The following STK36 variants were observed in gnomAD, a reference collection of about 807,000 sequenced individuals.
The protein encoded by STK36 is serine/threonine-protein kinase 36.
STK36 carries 116 observed loss-of-function variants against 142.2 expected under a neutral mutation model. That is an observed-to-expected ratio of 0.82 (90% CI 0.70 to 0.95). The LOEUF is 0.95. STK36 is among the 40% of genes least tolerant of loss of function. STK36 has a pLI of 0.00. For missense variants in STK36, 1,422 were observed against 1,617.2 expected (o/e 0.88, Z 2.07); for synonymous variants, 619 against 641.7 (o/e 0.96, Z 0.53).
intron 13 of STK36, 117 bp from the exon 14 acceptor site, chr2:218,690,333 A>G: frequency 1.2e-6 from 1 of 821,150 alleles, no homozygotes; most frequent in South Asian, 1.4e-5. Flanking sequence ...AGAAGGGAGG[A>G]ACATTCTGAT....
In STK36 at chr2:218,676,040, C is replaced by T; in HGVS notation, c.446C>T (p.Ala149Val). Residue 149 changes from alanine (A) to valine (V), a missense_variant, in exon 6 of 27, where the codon GCT (alanine) becomes GTT (valine). This residue lies in a region of STK36 where 460 missense variants were observed against 449.6 expected (regional missense o/e 1.02). Coordinates refer to ENST00000295709, the MANE Select transcript of STK36 (RefSeq NM_015690.5). ...IKLCDFGFAR[A>V]MSTNTMVLTS... ...ATTATCTTCTGCAGATTTGCCCGGGCTATGAGCACCAATACAATGGTGCTG... is the reference window on the plus strand; with the variant it reads ...ATTATCTTCTGCAGATTTGCCCGGGTTATGAGCACCAATACAATGGTGCTG... 6.2e-7 allele frequency: 1 copy of T among 1,613,974 alleles called. No homozygotes were observed. Among genetic ancestry groups the T allele is most frequent in the Non-Finnish European group, 8.5e-7 (1 of 1,179,922 alleles).
chr2:218,679,990 A>G lies in STK36; in HGVS notation c.1046A>G (p.Gln349Arg). 1 of 1,614,222 alleles carries G rather than the reference A, an allele frequency of 6.2e-7. No individual in the cohort carries two copies. The highest frequency in any genetic ancestry group is 8.5e-7 in the Non-Finnish European group (1 of 1,180,024). ...APLPRLGATP[Q>R]ESSLLAGILA... is the part of the protein sequence containing the mutation. ...CTGCCCAGACTCGGGGCCACTCCTC[A>G]GGAATCAAGCCTCCTGGCCGGGATC... Residue 349 changes from glutamine (Q) to arginine (R), a missense_variant, in exon 9 of 27, where the codon CAG (glutamine) becomes CGG (arginine). By Grantham distance (43) the Gln-to-Arg change is conservative. Coordinates refer to ENST00000295709, the MANE Select transcript of STK36 (RefSeq NM_015690.5).
intron 6 of STK36, among the ~76,000 whole-genome samples, 177 bp downstream of exon 6, chr2:218,676,455 A>G (rs1004799909): frequency 1.3e-5 from 2 of 152,080 alleles, no homozygotes; most frequent in African/African-American, 4.8e-5. Flanking sequence ...TGGGTATTTT[A>G]TAAAGAAAAG....
chr2:218,687,869 C>T (rs2385066), intron 11 of STK36, among the ~76,000 whole-genome samples: 9,136 of 152,196 alleles, frequency 0.06, 912 homozygotes, highest in African/African-American at 0.21. Context: ...TTTAAAAATA[C>T]AATACTGGCC....
rs774911111 is a variant in STK36, at chr2:218,679,875, G to T, written c.949-18G>T. On this transcript the variant is annotated intron_variant, in intron 8 of 26. Coordinates refer to ENST00000295709, the MANE Select transcript of STK36 (RefSeq NM_015690.5). ...AATCAAATAGCTCTGATTCAGTGTT[G>T]CCCCCTACCTCCCACAGAAACATCA... 3 of 1,610,692 alleles carry T rather than the reference G, an allele frequency of 1.9e-6. 1 individual carries two copies. In the South Asian group the frequency reaches 3.3e-5, roughly 18 times the overall value.
chr2:218,697,407 A>G, intron 23 of STK36, 56 bp from the exon 24 acceptor site: 6 of 1,597,556 alleles, frequency 3.8e-6, no homozygotes, highest in Non-Finnish European at 4.3e-6. Context: ...GTGGGGAAGC[A>G]GGGGTATCTG....
At chr2:218,680,536 G>C in intron 9 of STK36, 67 bp from the exon 10 acceptor site, 1 of 1,328,752 alleles carries the variant, frequency 7.5e-7, no homozygotes, top group Admixed American at 2.0e-5. Flanking sequence ...TACAGAGAGG[G>C]ACAAGTTAAC....
chr2:218,701,931 A>C lies in STK36; in HGVS notation c.3870A>C (p.Pro1290=). The change falls in exon 27 of 27, where the codon CCA becomes CCC. Residue 1290 remains proline, a synonymous_variant. Transcript: ENST00000295709. The part of the protein sequence containing the change: ...SLLSLGNQSL[P]HSSPRPASAK... ...TCTCTCTGGGGAATCAGTCACTGCC[A>C]CACAGCAGTCCTAGGCCTGCCTCTG... 6.2e-7 allele frequency: 1 copy of C among 1,614,164 alleles called. No homozygotes were observed. Among genetic ancestry groups the C allele is most frequent in the Non-Finnish European group, 8.5e-7 (1 of 1,180,030 alleles).
At position 218,693,939 on chromosome 2, in the gene STK36, CT is replaced by C. The variant is rs770235742; in HGVS notation, c.2294del (p.Phe765SerfsTer19). 9.3e-6 allele frequency: 15 copies of C among 1,614,134 alleles called. No individual in the cohort carries two copies. The African/African-American group carries it at 2.0e-4, about 22-fold the overall frequency. On this transcript the variant is annotated frameshift_variant, in exon 19 of 27. Coordinates refer to ENST00000295709, the MANE Select transcript of STK36 (RefSeq NM_015690.5). LOFTEE classifies it high-confidence loss of function. Reference protein sequence around the residue: ...WEESTEVTLYFLSLLVFRLQN... With the variant: ...WEESTEVTLYXLSLLVFRLQN... ...AAGAGTCTACTGAAGTGACACTCTA[CT>C]TCCTCTCCCTTCTTGTCTTTCGGCT...
rs1940042698 is a variant in STK36, at chr2:218,672,730, G to GC, written c.-89-7dup. ...GTGGCTAACATTTTTCCTTTCCCGTGCCCCAACTAGGCGTCCCAGATGTTG... is the reference window on the plus strand; with the variant it reads ...GTGGCTAACATTTTTCCTTTCCCGTGCCCCCAACTAGGCGTCCCAGATGTTG... On this transcript the variant is annotated splice_polypyrimidine_tract_variant and intron_variant, in intron 1 of 26. Transcript: ENST00000295709. 8.6e-6 allele frequency: 10 copies of GC among 1,161,842 alleles called. No homozygotes were observed. The South Asian group carries it at 1.3e-4, about 15-fold the overall frequency. 72.0% of individuals were successfully genotyped at this position (1,161,842 alleles called of 1,614,324 possible). A position where few individuals can be genotyped will look rare whatever the true frequency, so the allele number is the denominator to read the frequency against.
At position 218,698,735 on chromosome 2, in the gene STK36, C is replaced by T. The variant is rs746785758; in HGVS notation, c.3191C>T (p.Ser1064Leu). Residue 1064 changes from serine to leucine, a missense_variant, in exon 26 of 27, where the codon TCG becomes TTG. This residue lies in a region of STK36 where 962 missense variants were observed against 1,167.5 expected (regional missense o/e 0.82). Transcript: ENST00000295709. ...TVSASPRTIVSFLSVALLSDQ... is the reference protein window; with the variant it reads ...TVSASPRTIVLFLSVALLSDQ... ...TCTGCCTCCCCTAGAACCATCGTCTCGTTTCTCTCAGTTGCCCTCCTGAGT... is the reference window on the plus strand; with the variant it reads ...TCTGCCTCCCCTAGAACCATCGTCTTGTTTCTCTCAGTTGCCCTCCTGAGT... 1.1e-5 allele frequency: 18 copies of T among 1,614,088 alleles called. No homozygotes were observed. The Admixed American group carries it at 1.5e-4, about 13-fold the overall frequency.
At position 218,672,765 on chromosome 2, in the gene STK36, C is replaced by A; in HGVS notation, c.-65C>A. ...GGCGTCCCAGATGTTGTGGAACTGT[C>A]CCTGGATCTATAGCTCTTCACCGTC... On this transcript the variant is annotated 5_prime_UTR_variant, in exon 2 of 27. Coordinates refer to ENST00000295709, the MANE Select transcript of STK36 (RefSeq NM_015690.5). The A allele has an allele frequency of 6.5e-7, 1 of 1,536,554 alleles. No individual in the cohort carries two copies.
At position 218,698,925 on chromosome 2, in the gene STK36, A is replaced by C. The variant is rs1208766215; in HGVS notation, c.3381A>C (p.Ala1127=). Residue 1127 remains alanine, a synonymous_variant, in exon 26 of 27, where the codon GCA becomes GCC. Coordinates refer to ENST00000295709, the MANE Select transcript of STK36 (RefSeq NM_015690.5). ...GCCACCCAGAGAATTCTGTGCGGGC[A>C]CACACTTATAGGCTCCTGGGACACT... is the stretch of plus-strand genomic sequence containing the variant. ...LLGHPENSVR[A]HTYRLLGHLL... The C allele has an allele frequency of 1.2e-6, 2 of 1,614,004 alleles. No individual in the cohort carries two copies. The highest frequency in any genetic ancestry group is 1.7e-6 in the Non-Finnish European group (2 of 1,180,028).
At chr2:218,691,027 A>T (rs532487306) in intron 14 of STK36, among the ~76,000 whole-genome samples, 14 of 152,280 alleles carry the variant, frequency 9.2e-5, no homozygotes, top group African/African-American at 3.4e-4. Context: ...GCAGTTTGGC[A>T]TATTTCAGGG....
intron 6 of STK36, among the ~76,000 whole-genome samples, chr2:218,678,192 C>A (rs1940343643): frequency 6.6e-6 from 1 of 152,164 alleles, no homozygotes; most frequent in South Asian, 2.1e-4. Flanking sequence ...CTCAAGCAAT[C>A]TTCCTGTCTC....
At chr2:218,674,607 A>C (rs1408597349) in intron 4 of STK36, among the ~76,000 whole-genome samples, 1 of 152,090 alleles carries the variant, frequency 6.6e-6, no homozygotes, top group Non-Finnish European at 1.5e-5. Context: ...TTTTTAATTG[A>C]ATTTTATTTT....
At chr2:218,691,609 G>A (rs1941000415) in intron 14 of STK36, among the ~76,000 whole-genome samples, 1 of 151,960 alleles carries the variant, frequency 6.6e-6, no homozygotes, top group Non-Finnish European at 1.5e-5. Flanking sequence ...AGGCTAGAGT[G>A]CAGTGGCATG....
intron 14 of STK36, 139 bp downstream of exon 14, chr2:218,690,694 T>C: frequency 2.9e-6 from 2 of 700,522 alleles, no homozygotes; most frequent in South Asian, 1.7e-5. Flanking sequence ...CCATATGCCA[T>C]GTGAGTAAGA....
Position 218,698,608 on chromosome 2 carries a change from T to A in STK36, c.3064T>A (p.Cys1022Ser). 2 of 1,613,758 alleles carry A rather than the reference T, an allele frequency of 1.2e-6. No individual in the cohort carries two copies. The stretch of plus-strand genomic sequence containing the variant: ...TTACCTCCTGTTCTCTCAGGTCTGC[T>A]GCTACCATCTTCCGTTGATGCAAGT... ...EVAAHLLQVC[C>S]YHLPLMQVEL... The change falls in exon 26 of 27, where the codon TGC becomes AGC. Residue 1022 changes from cysteine (C) to serine (S), a missense_variant. Transcript: ENST00000295709.
Sources: gnomAD v4.1 joint callset for allele counts (sites outside exome capture counted in the v4.1 genomes callset) on GRCh38, gnomAD v4.1.1 for gene constraint, gnomAD v4.1.1 regional missense constraint, MANE v1.5 for transcripts, NCBI Gene and HGNC (gene_info 2026-07-23, HGNC 2026-07-21) for gene names.